The following LRMDA variants were observed in gnomAD, a reference collection of about 807,000 sequenced individuals.
The protein encoded by LRMDA is leucine rich melanocyte differentiation associated.
Under a neutral mutation model 29.8 loss-of-function variants are expected in LRMDA, and 18 were observed. The ratio of observed to expected loss-of-function variants is 0.60; its 90% confidence interval spans 0.42 to 0.90. The LOEUF is 0.90. Among genes scored for constraint, LRMDA ranks in the 40% least tolerant of loss-of-function variants. LRMDA has a pLI of 0.00. For missense variants in LRMDA, 273 were observed against 273.9 expected (o/e 1.00, Z 0.02); for synonymous variants, 125 against 109.4 (o/e 1.14, Z -0.89).
intron 5 of LRMDA, among the ~76,000 whole-genome samples, chr10:76,218,955 C>A (rs1214431221): frequency 6.6e-6 from 1 of 152,138 alleles, no homozygotes; most frequent in Non-Finnish European, 1.5e-5. Context: ...CTATGCAGCT[C>A]CTGGGCCCAA....
At chr10:75,941,920 A>ATG (rs1846398946) in intron 2 of LRMDA, among the ~76,000 whole-genome samples, 1 of 152,136 alleles carries the variant, frequency 6.6e-6, no homozygotes, top group South Asian at 2.1e-4. Flanking sequence ...TACTCTCTCC[A>ATG]TGTCACATTT....
At chr10:76,403,137 T>A (rs1841866822) in intron 6 of LRMDA, 1 of 151,632 alleles carries the variant, frequency 6.6e-6, no homozygotes, top group Non-Finnish European at 1.5e-5. Context: ...ATCTCTCCTA[T>A]AGTCTCCTGC....
chr10:76,035,904 C>T, intron 2 of LRMDA, 104 bp from the exon 3 acceptor site: 10 of 1,191,862 alleles, frequency 8.4e-6, no homozygotes, highest in Non-Finnish European at 1.1e-5. Flanking sequence ...CAAGCCCAAA[C>T]TATTCCCAGT....
At chr10:76,053,454 T>G (rs1177083559) in intron 4 of LRMDA, among the ~76,000 whole-genome samples, 1 of 152,224 alleles carries the variant, frequency 6.6e-6, no homozygotes, top group Non-Finnish European at 1.5e-5. Flanking sequence ...TTACAAGGGT[T>G]GAATTGATAT....
At chr10:75,772,699 C>T (rs756811847) in intron 2 of LRMDA, among the ~76,000 whole-genome samples, 6 of 152,234 alleles carry the variant, frequency 3.9e-5, no homozygotes, top group African/African-American at 1.4e-4. Context: ...ACCTAAAGTG[C>T]GTCTTGCTGT....
rs542599691 is a variant in LRMDA at position 75,997,835 on chromosome 10, G to A, written c.132-38173G>A. Among the ~76,000 whole-genome samples the A allele has an allele frequency of 1.4e-4, 21 of 152,264 alleles. No individual in the cohort carries two copies. In the East Asian group the frequency reaches 3.7e-3, roughly 27 times the overall value. Reference sequence around the variant, plus strand: ...GTTTGTGATACTGATGGAGATTAACGAAATTGTCATTCTGCTTCACGTCAC... The same window carrying A: ...GTTTGTGATACTGATGGAGATTAACAAAATTGTCATTCTGCTTCACGTCAC... On this transcript the variant is annotated intron_variant, in intron 2 of 6. Coordinates refer to ENST00000611255, the MANE Select transcript of LRMDA (RefSeq NM_001305581.2).
chr10:76,395,406 C>T (rs927803517), intron 6 of LRMDA, among the ~76,000 whole-genome samples: 5 of 152,162 alleles, frequency 3.3e-5, no homozygotes, highest in Non-Finnish European at 1.5e-5. Context: ...GTAGTCATTG[C>T]CCCTCAGCCC....
chr10:75,826,983 CT>C (rs1307705958), intron 2 of LRMDA, among the ~76,000 whole-genome samples: 1 of 151,598 alleles, frequency 6.6e-6, no homozygotes, highest in Non-Finnish European at 1.5e-5. Flanking sequence ...TGATGATCCC[CT>C]GAGATCATTT....
chr10:75,564,033 GT>G (rs1263008456), intron 2 of LRMDA, among the ~76,000 whole-genome samples: 6 of 152,202 alleles, frequency 3.9e-5, no homozygotes, highest in African/African-American at 1.4e-4. Context: ...CTCCAGCTGC[GT>G]GCTGGGAGAA....
chr10:76,046,528 G>T (rs185920212), intron 3 of LRMDA, among the ~76,000 whole-genome samples: 1 of 151,902 alleles, frequency 6.6e-6, no homozygotes, highest in Admixed American at 6.6e-5. Context: ...ACAGAGTCTC[G>T]CTCTGTCACC....
chr10:76,231,381 AG>A (rs1852055852), intron 5 of LRMDA, among the ~76,000 whole-genome samples: 1 of 152,246 alleles, frequency 6.6e-6, no homozygotes, highest in South Asian at 2.1e-4. Context: ...CCTGAATCAA[AG>A]GGCTAGAAGA....
At chr10:75,896,080 G>T (rs962548921) in intron 2 of LRMDA, among the ~76,000 whole-genome samples, 3 of 152,194 alleles carry the variant, frequency 2.0e-5, no homozygotes, top group Non-Finnish European at 4.4e-5. Flanking sequence ...GAAAGGAGAT[G>T]AAAAATATGA....
chr10:76,459,006 G>A (rs528902188), intron 6 of LRMDA, among the ~76,000 whole-genome samples: 2 of 152,040 alleles, frequency 1.3e-5, no homozygotes, highest in African/African-American at 4.8e-5. Context: ...TTTCTCAAGC[G>A]TCTACTAAGA....
chr10:75,640,261 T>C (rs1164860009), intron 2 of LRMDA, among the ~76,000 whole-genome samples: 1 of 152,220 alleles, frequency 6.6e-6, no homozygotes, highest in Non-Finnish European at 1.5e-5. Flanking sequence ...GCCATCATTT[T>C]CACCCCAAGA....
chr10:76,431,303 G>A (rs1219178686), intron 6 of LRMDA, among the ~76,000 whole-genome samples: 1 of 152,140 alleles, frequency 6.6e-6, no homozygotes, highest in Non-Finnish European at 1.5e-5. Flanking sequence ...CCATAACTAG[G>A]AGCTTTTTGC....
intron 5 of LRMDA, among the ~76,000 whole-genome samples, chr10:76,069,358 C>T (rs959379393): frequency 1.3e-5 from 2 of 152,200 alleles, no homozygotes; most frequent in Admixed American, 6.5e-5. Context: ...AGACAGGGCT[C>T]CATCAATAAT....
rs555137621 is a variant in LRMDA, at chr10:75,525,488, G to T, written c.131+86994G>T. Among the ~76,000 whole-genome samples, 13 of 152,196 alleles carry T rather than the reference G, an allele frequency of 8.5e-5. No homozygotes were observed. The East Asian group carries it at 9.7e-4, about 11-fold the overall frequency. On this transcript the variant is annotated intron_variant, in intron 2 of 6. Coordinates refer to ENST00000611255, the MANE Select transcript of LRMDA (RefSeq NM_001305581.2). ...GATTAAGTCCAGTATGTAGAGTTCT[G>T]AATGGGTTGGCTAATGCAAACAGCT...
chr10:75,547,283 G>T (rs1840091395), intron 2 of LRMDA, among the ~76,000 whole-genome samples: 1 of 152,152 alleles, frequency 6.6e-6, no homozygotes, highest in South Asian at 2.1e-4. Flanking sequence ...CCACTTGTAG[G>T]GTTATTTTAG....
At chr10:75,619,082 C>T (rs777133361) in intron 2 of LRMDA, among the ~76,000 whole-genome samples, 21 of 152,244 alleles carry the variant, frequency 1.4e-4, no homozygotes, top group Non-Finnish European at 2.4e-4. Context: ...CAGGTGTAAG[C>T]CACTGCACCC....
Sources: gnomAD v4.1 joint callset for allele counts (sites outside exome capture counted in the v4.1 genomes callset) on GRCh38, gnomAD v4.1.1 for gene constraint, MANE v1.5 for transcripts, NCBI Gene and HGNC (gene_info 2026-07-23, HGNC 2026-07-21) for gene names.